Variants in FRYL observed in about 807,000 individuals in gnomAD.
The protein encoded by FRYL is FRY like transcription coactivator.
In FRYL, 150 loss-of-function variants were observed where a neutral mutation model predicts 351.2. The observed-to-expected ratio is 0.43, with a 90% confidence interval of 0.37 to 0.49. The LOEUF (loss-of-function observed/expected upper bound fraction) is 0.49, where lower values mean the gene tolerates loss of function less well. Ranked by LOEUF, FRYL falls within the 20% of genes least tolerant of loss-of-function variation. The probability of loss-of-function intolerance (pLI) is 0.00; values close to 1 mark genes in which losing one functional copy is unlikely to be tolerated. For missense variants in FRYL, 3,036 were observed against 3,619.3 expected (o/e 0.84, Z 4.13); for synonymous variants, 1,153 against 1,257.1 (o/e 0.92, Z 1.75).
At chr4:48,678,945 C>G (rs1404017645) in intron 3 of FRYL, among the ~76,000 whole-genome samples, 3 of 151,640 alleles carry the variant, frequency 2.0e-5, no homozygotes, top group African/African-American at 7.3e-5. Context: ...ATAAGATAGT[C>G]TTTAAAAAAA....
chr4:48,553,586 C>T (rs1019346299), intron 35 of FRYL, among the ~76,000 whole-genome samples: 10 of 150,942 alleles, frequency 6.6e-5, no homozygotes, highest in African/African-American at 2.4e-4. Context: ...AGCATTAGAT[C>T]TAATTAGGGT....
At chr4:48,660,679 C>T (rs1253475914) in intron 3 of FRYL, among the ~76,000 whole-genome samples, 2 of 152,128 alleles carry the variant, frequency 1.3e-5, no homozygotes, top group Admixed American at 6.5e-5. Context: ...ACAAACACTA[C>T]CTCAGCCAGG....
Position 48,716,061 on chromosome 4 carries a change from T to C in FRYL, c.-383-5363A>G, listed in dbSNP as rs565118256. 3.3e-5 allele frequency among the ~76,000 whole-genome samples: 5 copies of C among 152,252 alleles called. No individual in the cohort carries two copies. In the East Asian group the frequency reaches 5.8e-4, roughly 18 times the overall value. On this transcript the variant is annotated intron_variant, in intron 1 of 63. Transcript: ENST00000358350. ...ATTTAATAAATGGTGCTGGGAAAAC[T>C]GGCTAGCCATATGTAAAAAGCAGAA...
At chr4:48,585,882 T>C (rs1011812330) in intron 19 of FRYL, among the ~76,000 whole-genome samples, 11 of 152,250 alleles carry the variant, frequency 7.2e-5, no homozygotes, top group African/African-American at 2.4e-4. Flanking sequence ...CAGATTATTG[T>C]AAACTATAGT....
At position 48,634,443 on chromosome 4, in the gene FRYL, A is replaced by G. The variant is rs1753834519; in HGVS notation, c.-33T>C. 3 of 1,612,496 alleles carry G rather than the reference A, an allele frequency of 1.9e-6. No homozygotes were observed. Among genetic ancestry groups the G allele is most frequent in the African/African-American group, 2.7e-5 (2 of 74,974 alleles). On this transcript the variant is annotated 5_prime_UTR_variant, in exon 4 of 64. Transcript: ENST00000358350. ...TTTTTTTTTCCCCAAGTGGAATGAA[A>G]GTTGGAAGAAGCACAGTATTTATTT...
At chr4:48,573,742 G>A (rs968037997) in intron 25 of FRYL, among the ~76,000 whole-genome samples, 5 of 152,026 alleles carry the variant, frequency 3.3e-5, no homozygotes, top group African/African-American at 9.7e-5. Flanking sequence ...GTAGAAACAG[G>A]GTTTCTCCAT....
intron 59 of FRYL, chr4:48,506,741 C>CA (rs1302072805): frequency 6.8e-6 from 1 of 146,998 alleles, no homozygotes; most frequent in African/African-American, 2.5e-5. Context: ...TAGTATTCGA[C>CA]ATTTAACATT....
At chr4:48,715,679 G>A (rs1407745571) in intron 1 of FRYL, among the ~76,000 whole-genome samples, 9 of 151,986 alleles carry the variant, frequency 5.9e-5, no homozygotes, top group African/African-American at 1.7e-4. Flanking sequence ...AATCAATATC[G>A]TGAAAATGGC....
Position 48,561,523 on chromosome 4 carries a change from C to T in FRYL, c.3810G>A (p.Gln1270=). Residue 1270 remains glutamine (Q), a synonymous_variant, in exon 33 of 64, where the codon CAG becomes CAA. Coordinates refer to ENST00000358350, the MANE Select transcript of FRYL (RefSeq NM_015030.2). ...ACGCCCTTGCTAGTTCCTCGGACAA[C>T]TGATAATATGAAACAGAATAGAGAT... The part of the protein sequence containing the change: ...LPHLYSVSYY[Q]LSEELARAYP... 6.2e-7 allele frequency: 1 copy of T among 1,611,598 alleles called. No individual in the cohort carries two copies. Among genetic ancestry groups the T allele is most frequent in the Non-Finnish European group, 8.5e-7 (1 of 1,178,470 alleles).
At chr4:48,613,657 T>C (rs1424884002) in intron 7 of FRYL, among the ~76,000 whole-genome samples, 1 of 152,158 alleles carries the variant, frequency 6.6e-6, no homozygotes, top group Non-Finnish European at 1.5e-5. Context: ...GATTCTGATA[T>C]ATGTAAATGC....
At chr4:48,603,231 T>C in intron 12 of FRYL, 59 bp downstream of exon 12, 1 of 1,152,230 alleles carries the variant, frequency 8.7e-7, no homozygotes, top group Non-Finnish European at 1.3e-6. Context: ...ACTGAATTCA[T>C]AAATCAATTA....
At chr4:48,543,758 T>TG in intron 44 of FRYL, 49 bp downstream of exon 44, 2 of 1,529,466 alleles carry the variant, frequency 1.3e-6, no homozygotes, top group Non-Finnish European at 1.8e-6. Context: ...AATAAATCCT[T>TG]GACAACTAGT....
intron 1 of FRYL, among the ~76,000 whole-genome samples, chr4:48,757,569 C>T (rs1403245309): frequency 6.6e-6 from 1 of 152,044 alleles, no homozygotes; most frequent in African/African-American, 2.4e-5. Context: ...AACTACAGAC[C>T]ACTGCTCAAT....
intron 1 of FRYL, among the ~76,000 whole-genome samples, chr4:48,756,200 T>G: frequency 6.8e-6 from 1 of 146,682 alleles, no homozygotes; most frequent in African/African-American, 2.6e-5. Context: ...ACCACCACAC[T>G]CCAACCTAGG....
At chr4:48,681,194 A>AACCAACAG in intron 3 of FRYL, 1 of 624,070 alleles carries the variant, frequency 1.6e-6, no homozygotes, top group Non-Finnish European at 2.1e-6. Flanking sequence ...TTCCTTGATG[A>AACCAACAG]GAAGTTCAGG....
At chr4:48,759,743 G>A (rs143964870) in intron 1 of FRYL, among the ~76,000 whole-genome samples, 4 of 152,226 alleles carry the variant, frequency 2.6e-5, no homozygotes, top group Admixed American at 6.5e-5. Flanking sequence ...AGCAACCTGC[G>A]TCTGGTCTTG....
intron 19 of FRYL, 107 bp from the exon 20 acceptor site, chr4:48,582,841 G>T: frequency 2.6e-6 from 2 of 760,364 alleles, no homozygotes; most frequent in Non-Finnish European, 2.2e-6. Context: ...TAGTTGTTTT[G>T]TAAGAAATAT....
At chr4:48,660,227 T>C (rs889422678) in intron 3 of FRYL, among the ~76,000 whole-genome samples, 18 of 152,230 alleles carry the variant, frequency 1.2e-4, no homozygotes, top group African/African-American at 2.2e-4. Context: ...TAGGTTCATA[T>C]TGATATAAAT....
chr4:48,518,892 C>T (rs1724257262), intron 55 of FRYL, among the ~76,000 whole-genome samples: 1 of 152,240 alleles, frequency 6.6e-6, no homozygotes, highest in South Asian at 2.1e-4. Context: ...GTCTCTCCTA[C>T]TAGAATGAAG....
Sources: gnomAD v4.1 joint callset for allele counts (sites outside exome capture counted in the v4.1 genomes callset) on GRCh38, gnomAD v4.1.1 for gene constraint, MANE v1.5 for transcripts, NCBI Gene and HGNC (gene_info 2026-07-23, HGNC 2026-07-21) for gene names.